Variants in TEX11 observed in about 807,000 individuals in gnomAD.
TEX11 encodes testis expressed 11, also known as testis-expressed protein 11.
TEX11 carries 7 observed loss-of-function variants against 84.4 expected under a neutral mutation model. That is an observed-to-expected ratio of 0.08 (90% confidence interval 0.05 to 0.16). TEX11 has a LOEUF of 0.16. Ranked by LOEUF, TEX11 falls within the 10% of genes least tolerant of loss-of-function variation. The pLI is 1.00. For missense variants in TEX11, 551 were observed against 660.5 expected (o/e 0.83, Z 1.82); for synonymous variants, 264 against 222.8 (o/e 1.18, Z -1.64).
intron 16 of TEX11, among the ~76,000 whole-genome samples, chrX:70,659,763 A>G (rs2089907508): frequency 8.9e-6 from 1 of 112,677 alleles, no homozygotes; most frequent in Non-Finnish European, 1.9e-5. Context: ...ATCTATGTTC[A>G]TAGAAGTATT....
At chrX:70,579,530 A>AAAAAAAAAAC (rs2088739759) in intron 25 of TEX11, among the ~76,000 whole-genome samples, 3 of 103,127 alleles carry the variant, frequency 2.9e-5, no homozygotes, top group Non-Finnish European at 3.9e-5. Context: ...AAAAAAAAAA[A>AAAAAAAAAAC]AAAACAAAAA....
At chrX:70,621,084 G>A (rs1194615002) in intron 20 of TEX11, among the ~76,000 whole-genome samples, 4 of 110,939 alleles carry the variant, frequency 3.6e-5, no homozygotes, top group Admixed American at 1.9e-4. Flanking sequence ...ATTATGATAT[G>A]TCAATTTAGC....
At chrX:70,738,410 C>T (rs1378146459) in intron 11 of TEX11, among the ~76,000 whole-genome samples, 2 of 111,940 alleles carry the variant, frequency 1.8e-5, no homozygotes, top group Admixed American at 9.5e-5. Context: ...TAACATCTCA[C>T]GACAGTTAAA....
intron 25 of TEX11, among the ~76,000 whole-genome samples, chrX:70,573,474 C>T (rs1386281908): frequency 8.9e-6 from 1 of 111,844 alleles, no homozygotes; most frequent in African/African-American, 3.2e-5. Context: ...AGAAAATCTA[C>T]TCAAGTTTTG....
chrX:70,754,071 G>A lies in TEX11; in HGVS notation c.693-9852C>T, dbSNP rs141649984. Among the ~76,000 whole-genome samples the A allele has an allele frequency of 3.1e-4, 33 of 106,271 alleles. No individual in the cohort carries two copies. The East Asian group carries it at 7.9e-3, about 25-fold the overall frequency. 92.3% of individuals were successfully genotyped at this position (106,271 alleles called of 115,157 possible). ...CTGCTTCAGAAAAATAGAGGGAAACGTAAAGGGGACTGTGTCTTGCATCTT... is the reference window on the plus strand; with the variant it reads ...CTGCTTCAGAAAAATAGAGGGAAACATAAAGGGGACTGTGTCTTGCATCTT... On this transcript the variant is annotated intron_variant, in intron 9 of 29. Coordinates refer to ENST00000374333, the MANE Select transcript of TEX11 (RefSeq NM_031276.3).
intron 13 of TEX11, among the ~76,000 whole-genome samples, chrX:70,693,695 C>T (rs947950987): frequency 1.6e-4 from 18 of 111,371 alleles, no homozygotes; most frequent in Non-Finnish European, 3.0e-4. Context: ...TTCTGGTGAC[C>T]TAATGTACAG....
At chrX:70,599,788 C>G (rs1003827994) in intron 24 of TEX11, among the ~76,000 whole-genome samples, 1 of 106,016 alleles carries the variant, frequency 9.4e-6, no homozygotes, top group African/African-American at 3.4e-5. Flanking sequence ...TCTGTTCTTG[C>G]GATAGTTTAC....
chrX:70,607,123 A>C (rs1432265177), intron 22 of TEX11, 94 bp from the exon 23 acceptor site: 1 of 616,771 alleles, frequency 1.6e-6, no homozygotes, highest in South Asian at 3.9e-5. Flanking sequence ...TACACCTTTG[A>C]TATTAACATA....
In TEX11 at chrX:70,722,707, G is replaced by T. The variant is rs771324192; in HGVS notation, c.926-11C>A. Reference sequence around the variant, plus strand: ...GTATTTCCATGACAGCTAACAAGATGAAAAAATGAAATAATTATCAGTTTA... The same window carrying T: ...GTATTTCCATGACAGCTAACAAGATTAAAAAATGAAATAATTATCAGTTTA... On this transcript the variant is annotated splice_polypyrimidine_tract_variant and intron_variant, in intron 12 of 29. Coordinates refer to ENST00000374333, the MANE Select transcript of TEX11 (RefSeq NM_031276.3). 14 of 1,138,149 alleles carry T rather than the reference G, an allele frequency of 1.2e-5. No individual in the cohort carries two copies. Among genetic ancestry groups the T allele is most frequent in the Non-Finnish European group, 1.6e-5 (13 of 835,360 alleles). The allele number at this position is 1,138,149 out of a possible 1,213,427, so 93.8% of individuals were successfully genotyped here.
chrX:70,679,634 G>A (rs1192045308), intron 14 of TEX11, among the ~76,000 whole-genome samples: 2 of 92,210 alleles, frequency 2.2e-5, no homozygotes, highest in African/African-American at 8.3e-5. Flanking sequence ...CGGCAGCCGC[G>A]CTGTCTGAGA....
the TEX11 span, among the ~76,000 whole-genome samples, chrX:70,520,771 T>C: frequency 5.3e-5 from 6 of 112,242 alleles, no homozygotes; most frequent in African/African-American, 1.6e-4. Context: ...GCAGGCCTCA[T>C]TGAGCTGTGG....
chrX:70,795,558 C>G (rs56020677), intron 9 of TEX11, among the ~76,000 whole-genome samples: 12,212 of 111,652 alleles, frequency 0.11, 574 homozygotes, highest in Middle Eastern at 0.28. Context: ...GGCTTCAGGT[C>G]AGACACAGCA....
intron 17 of TEX11, among the ~76,000 whole-genome samples, chrX:70,635,505 G>A (rs899876517): frequency 8.9e-6 from 1 of 112,555 alleles, no homozygotes; most frequent in Non-Finnish European, 1.9e-5. Flanking sequence ...ATTAGCCCCA[G>A]GCTTTGGGCC....
intron 25 of TEX11, among the ~76,000 whole-genome samples, chrX:70,589,986 T>A (rs2088907063): frequency 8.9e-6 from 1 of 112,175 alleles, no homozygotes; most frequent in Non-Finnish European, 1.9e-5. Flanking sequence ...GATTCCAATG[T>A]TAATCTCTAG....
chrX:70,713,950 C>T (rs1344348025), intron 13 of TEX11, among the ~76,000 whole-genome samples: 1 of 111,850 alleles, frequency 8.9e-6, no homozygotes, highest in Non-Finnish European at 1.9e-5. Context: ...TTTCCCTCTA[C>T]ACACTGCTTT....
At chrX:70,876,758 G>GA (rs1242732248) in intron 3 of TEX11, among the ~76,000 whole-genome samples, 1 of 110,838 alleles carries the variant, frequency 9.0e-6, no homozygotes, top group Non-Finnish European at 1.9e-5. Context: ...CCATCTCTAT[G>GA]AAAAATACAA....
In TEX11 at chrX:70,540,574, A is replaced by G. The variant is rs147825832; in HGVS notation, c.2521-10575T>C. 5.3e-3 allele frequency among the ~76,000 whole-genome samples: 593 copies of G among 112,139 alleles called. 4 individuals are homozygous for G. The highest frequency in any genetic ancestry group is 0.018 in the African/African-American group (554 of 30,889). ...CACTTTTGCTTGTTTATGGAGATAT[A>G]AAATGTAAATGCCTTACTATTTTAT... On this transcript the variant is annotated intron_variant, in intron 28 of 29. Coordinates refer to ENST00000374333, the MANE Select transcript of TEX11 (RefSeq NM_031276.3).
chrX:70,850,165 T>C (rs1206308076), intron 7 of TEX11, among the ~76,000 whole-genome samples: 3 of 112,107 alleles, frequency 2.7e-5, no homozygotes, highest in Non-Finnish European at 3.8e-5. Context: ...TAATTCCTTT[T>C]TAATACAATA....
intron 11 of TEX11, among the ~76,000 whole-genome samples, chrX:70,731,660 C>G (rs1441017938): frequency 9.0e-6 from 1 of 111,065 alleles, no homozygotes; most frequent in Non-Finnish European, 1.9e-5. Flanking sequence ...AGGCAATAAT[C>G]AATAGCTTAC....
Sources: gnomAD v4.1 joint callset for allele counts (sites outside exome capture counted in the v4.1 genomes callset) on GRCh38, gnomAD v4.1.1 for gene constraint, MANE v1.5 for transcripts, NCBI Gene and HGNC (gene_info 2026-07-23, HGNC 2026-07-21) for gene names.